The following CEP83 variants were observed in gnomAD, a reference collection of about 807,000 sequenced individuals.
CEP83 encodes centrosomal protein of 83 kDa.
CEP83 carries 70 observed loss-of-function variants against 101.9 expected under a neutral mutation model. The observed-to-expected ratio is 0.69, with a 90% CI of 0.57 to 0.84. The LOEUF is 0.84. Among genes scored for constraint, CEP83 ranks in the 40% least tolerant of loss-of-function variants. CEP83 has a pLI of 0.00. For synonymous variants in CEP83, 264 were observed against 267.9 expected, an observed-to-expected ratio of 0.99 and a Z score of 0.14; for missense variants, 715 against 787.2, an observed-to-expected ratio of 0.91 and a Z score of 1.10.
At chr12:94,296,771 C>T in the CEP83 span, among the ~76,000 whole-genome samples, 1 of 152,218 alleles carries the variant, frequency 6.6e-6, no homozygotes, top group Admixed American at 6.5e-5. Context: ...ACCTTTATCA[C>T]AGTTATAATA....
rs144705397 is a variant in CEP83, at chr12:94,381,799, T to G, written c.550-2757A>C. 3.1e-3 allele frequency among the ~76,000 whole-genome samples: 470 copies of G among 152,282 alleles called. 3 individuals are homozygous for G. Among genetic ancestry groups the G allele is most frequent in the African/African-American group, 0.011 (443 of 41,582 alleles). On this transcript the variant is annotated intron_variant, in intron 6 of 16. Transcript: ENST00000397809. The stretch of plus-strand genomic sequence containing the variant: ...GATGTCTTTTCTTTCTTCAGTTACT[T>G]CTTTTAAAATTAAACTTTTTCAGAT...
At chr12:94,399,902 A>G (rs2063151047) in intron 6 of CEP83, among the ~76,000 whole-genome samples, 1 of 152,218 alleles carries the variant, frequency 6.6e-6, no homozygotes, top group East Asian at 1.9e-4. Context: ...AATGGACACA[A>G]ATGTTCCAAG....
intron 6 of CEP83, among the ~76,000 whole-genome samples, chr12:94,390,019 C>T (rs558960159): frequency 5.3e-5 from 8 of 152,238 alleles, no homozygotes; most frequent in Non-Finnish European, 1.5e-5. Context: ...TGCCTCTAGA[C>T]ACCACCTCTG....
In CEP83 at chr12:94,412,393, T is replaced by C. The variant is rs1267269000; in HGVS notation, c.98A>G (p.Lys33Arg). The stretch of plus-strand genomic sequence containing the variant: ...TCGTAACCTTTCATCAATTAACATT[T>C]TCTGGAACTCCGACTGAGAACCTGT... The part of the protein sequence containing the change: ...GLTGSQSEFQ[K>R]MLIDERLRCE... The change falls in exon 3 of 17, where the codon AAA becomes AGA. Residue 33 changes from lysine to arginine, a missense_variant. Physicochemically the swap from Lys to Arg is conservative, Grantham distance 26. Coordinates refer to ENST00000397809, the MANE Select transcript of CEP83 (RefSeq NM_016122.3). 6.2e-7 allele frequency: 1 copy of C among 1,612,972 alleles called. No individual in the cohort carries two copies. The highest frequency in any genetic ancestry group is 1.1e-5 in the South Asian group (1 of 90,910).
Position 94,310,108 on chromosome 12 carries a change from C to G in CEP83, c.1812-1G>C. 6.7e-7 allele frequency: 1 copy of G among 1,495,672 alleles called. No individual in the cohort carries two copies. Among genetic ancestry groups the G allele is most frequent in the Non-Finnish European group, 9.2e-7 (1 of 1,089,940 alleles). 92.7% of individuals were successfully genotyped at this position (1,495,672 alleles called of 1,614,324 possible). A position where few individuals can be genotyped will look rare whatever the true frequency, so the allele number is the denominator to read the frequency against. ...ATAGTCTTCAAAAGGAACATTTTGT[C>G]TTAAAAAGAAAAAGAAATGTTTCTT... On this transcript the variant is annotated splice_acceptor_variant, in intron 15 of 16. Coordinates refer to ENST00000397809, the MANE Select transcript of CEP83 (RefSeq NM_016122.3). LOFTEE classifies it high-confidence loss of function.
At chr12:94,352,385 A>T (rs1006115963) in intron 11 of CEP83, among the ~76,000 whole-genome samples, 10 of 150,436 alleles carry the variant, frequency 6.6e-5, no homozygotes, top group African/African-American at 2.4e-4. Flanking sequence ...GTGCCACTGC[A>T]CTCCAACCTG....
chr12:94,345,582 A>G (rs2059897873), intron 11 of CEP83, among the ~76,000 whole-genome samples: 1 of 151,988 alleles, frequency 6.6e-6, no homozygotes, highest in South Asian at 2.1e-4. Context: ...GGCCACACAC[A>G]CTAAAAATAT....
intron 2 of CEP83, among the ~76,000 whole-genome samples, chr12:94,425,588 G>C (rs564355480): frequency 1.3e-5 from 2 of 152,168 alleles, no homozygotes; most frequent in African/African-American, 4.8e-5. Flanking sequence ...CCCATCTGTC[G>C]TGTGGGTAAT....
chr12:94,354,184 CATTCTT>C (rs1343104163), intron 11 of CEP83, among the ~76,000 whole-genome samples: 1 of 151,978 alleles, frequency 6.6e-6, no homozygotes, highest in Admixed American at 6.6e-5. Flanking sequence ...GCAGAGTACT[CATTCTT>C]CTTCTTCTTT....
chr12:94,301,375 A>C, the CEP83 span, among the ~76,000 whole-genome samples: 1 of 152,226 alleles, frequency 6.6e-6, no homozygotes, highest in African/African-American at 2.4e-5. Flanking sequence ...CAAAATATGC[A>C]ACCATTGAAA....
intron 2 of CEP83, among the ~76,000 whole-genome samples, chr12:94,427,592 G>A (rs977489463): frequency 2.0e-5 from 3 of 152,150 alleles, no homozygotes; most frequent in Non-Finnish European, 4.4e-5. Flanking sequence ...CCAAAGTATG[G>A]TAATTCAAAA....
chr12:94,449,124 A>G (rs2067031202), intron 1 of CEP83, among the ~76,000 whole-genome samples: 1 of 152,098 alleles, frequency 6.6e-6, no homozygotes, highest in Admixed American at 6.6e-5. Context: ...ACCTTAAATT[A>G]TTAAAGGATT....
intron 11 of CEP83, among the ~76,000 whole-genome samples, chr12:94,339,271 TA>T (rs2059580479): frequency 6.6e-6 from 1 of 152,180 alleles, no homozygotes; most frequent in African/African-American, 2.4e-5. Flanking sequence ...TGAGTACCTA[TA>T]CATGCTAAGC....
intron 14 of CEP83, among the ~76,000 whole-genome samples, chr12:94,326,023 A>G (rs955801496): frequency 6.6e-6 from 1 of 152,164 alleles, no homozygotes; most frequent in Non-Finnish European, 1.5e-5. Context: ...GTCCCTAGAT[A>G]GCCTAAGGAT....
At chr12:94,376,724 C>T (rs1566025001) in intron 7 of CEP83, among the ~76,000 whole-genome samples, 1 of 121,628 alleles carries the variant, frequency 8.2e-6, no homozygotes, top group Non-Finnish European at 1.8e-5. Flanking sequence ...CACACACACA[C>T]ACACACACAT....
intron 6 of CEP83, among the ~76,000 whole-genome samples, chr12:94,385,701 G>GT (rs2062105042): frequency 1.3e-5 from 2 of 152,120 alleles, no homozygotes; most frequent in South Asian, 2.1e-4. Context: ...TGAATTTAAT[G>GT]TTTTTTTCAG....
In CEP83 at chr12:94,429,609, G is replaced by A. The variant is rs546743264; in HGVS notation, c.-102+5666C>T. The stretch of plus-strand genomic sequence containing the variant: ...TCCTGATGCTGGGGCCAAAGTGCAC[G>A]CCTCTGGCTCCAATCTCAGCCACTG... On this transcript the variant is annotated intron_variant, in intron 2 of 16. Coordinates refer to ENST00000397809, the MANE Select transcript of CEP83 (RefSeq NM_016122.3). 4.6e-5 allele frequency among the ~76,000 whole-genome samples: 7 copies of A among 152,236 alleles called. No individual in the cohort carries two copies. In the East Asian group the frequency reaches 9.7e-4, roughly 21 times the overall value.
chr12:94,369,782 C>T (rs981678273), intron 9 of CEP83, 140 bp downstream of exon 9: 30 of 550,154 alleles, frequency 5.5e-5, no homozygotes, highest in Non-Finnish European at 9.6e-5. Context: ...ATATAATAAA[C>T]ATTTCATATG....
At chr12:94,383,545 G>A (rs930289387) in intron 6 of CEP83, among the ~76,000 whole-genome samples, 1 of 152,010 alleles carries the variant, frequency 6.6e-6, no homozygotes, top group Non-Finnish European at 1.5e-5. Context: ...TTCAAACACT[G>A]TAATCTGGGG....
Sources: gnomAD v4.1 joint callset for allele counts (sites outside exome capture counted in the v4.1 genomes callset) on GRCh38, gnomAD v4.1.1 for gene constraint, MANE v1.5 for transcripts, NCBI Gene and HGNC (gene_info 2026-07-23, HGNC 2026-07-21) for gene names.